The following CLEC20A variants were observed in gnomAD, a reference collection of about 807,000 sequenced individuals.
The protein encoded by CLEC20A is C-type lectin domain containing 20A.
upstream of CLEC20A, among the ~76,000 whole-genome samples, chr1:178,499,382 C>T (rs1649477595): frequency 6.6e-6 from 1 of 152,034 alleles, no homozygotes; most frequent in Non-Finnish European, 1.5e-5. Context: ...GAGGGTGTTG[C>T]CAGAGGAGAT....
At chr1:178,491,769 T>A (rs897259534) in intron 3 of CLEC20A, among the ~76,000 whole-genome samples, 1 of 152,198 alleles carries the variant, frequency 6.6e-6, no homozygotes, top group African/African-American at 2.4e-5. Flanking sequence ...AGGAAGAAAC[T>A]TTTTAAAAGA....
At chr1:178,483,318 A>G in intron 5 of CLEC20A, 36 bp from the exon 6 acceptor site, 1 of 398,578 alleles carries the variant, frequency 2.5e-6, no homozygotes, top group Non-Finnish European at 4.4e-6. Context: ...TATTGCAAAT[A>G]CAACCAGGAG....
chr1:178,484,435 T>G (rs1402073210), intron 5 of CLEC20A: 1 of 152,098 alleles, frequency 6.6e-6, no homozygotes, highest in Non-Finnish European at 1.5e-5. Context: ...ACACCTGTAA[T>G]CTCAACACTG....
chr1:178,486,635 G>T (rs1649151670), intron 5 of CLEC20A: 1 of 398,612 alleles, frequency 2.5e-6, no homozygotes, highest in African/African-American at 2.1e-5. Context: ...GACCCAGGGG[G>T]TGCTGCTATC....
At chr1:178,488,694 C>T in intron 4 of CLEC20A, 95 bp from the exon 5 acceptor site, 1 of 397,954 alleles carries the variant, frequency 2.5e-6, no homozygotes, top group Non-Finnish European at 4.4e-6. Flanking sequence ...TTTGGTTGCC[C>T]ATCATGGTAG....
intron 5 of CLEC20A, chr1:178,483,804 C>T (rs1649057074): frequency 6.6e-6 from 1 of 152,412 alleles, no homozygotes; most frequent in African/African-American, 2.4e-5. Flanking sequence ...CTCCATCTCA[C>T]CTGCTCTCAT....
chr1:178,498,050 C>T (rs908012114), upstream of CLEC20A, among the ~76,000 whole-genome samples: 1 of 151,962 alleles, frequency 6.6e-6, no homozygotes, highest in East Asian at 1.9e-4. Flanking sequence ...AACCACATGA[C>T]GTGAGGGAGA....
At chr1:178,482,763 C>T in intron 6 of CLEC20A, 1 of 213,212 alleles carries the variant, frequency 4.7e-6, no homozygotes, top group Non-Finnish European at 9.1e-6. Flanking sequence ...ACAGAAAATT[C>T]TAAAGAAGTT....
chr1:178,479,552 C>T (rs954716548), exon 8 of CLEC20A: 9 of 398,328 alleles, frequency 2.3e-5, no homozygotes, highest in African/African-American at 1.6e-4. Context: ...TTGTTCACTT[C>T]GAAGCTGACC....
chr1:178,479,424 G>T, exon 8 of CLEC20A: 1 of 392,298 alleles, frequency 2.5e-6, no homozygotes. Context: ...GTGCTTTTTG[G>T]CACATGTCGA....
At chr1:178,488,442 C>T in intron 5 of CLEC20A, 59 bp downstream of exon 5, 2 of 398,684 alleles carry the variant, frequency 5.0e-6, no homozygotes, top group East Asian at 7.1e-5. Context: ...TGCAAGCCAG[C>T]CTTGCCACTT....
At chr1:178,483,338 C>T (rs901181087) in intron 5 of CLEC20A, 56 bp from the exon 6 acceptor site, 7 of 398,162 alleles carry the variant, frequency 1.8e-5, no homozygotes, top group Admixed American at 8.8e-5. Context: ...GTAAGGTGGC[C>T]TGATATTGGT....
At chr1:178,482,595 C>A (rs936556115) in intron 6 of CLEC20A, 198 bp from the exon 7 acceptor site, 4 of 388,202 alleles carry the variant, frequency 1.0e-5, no homozygotes, top group Non-Finnish European at 1.8e-5. Context: ...AAAAAGAGTC[C>A]CATGCTTTGG....
chr1:178,490,545 C>T (rs1649247403), intron 3 of CLEC20A, 108 bp from the exon 4 acceptor site: 1 of 397,500 alleles, frequency 2.5e-6, no homozygotes, highest in African/African-American at 2.1e-5. Flanking sequence ...GGCCCTTGTC[C>T]CTGGTCCTTG....
rs1558029507 is a variant in CLEC20A, at chr1:178,492,490, C to T, written c.463+11G>A. ...AATTCCCAGAAAAGGGAATGGGGAG[C>T]AGGTATGTACCTGGCTTTGGAGAGG... On this transcript the variant is annotated intron_variant, in intron 3 of 7. Coordinates refer to ENST00000623247, the Ensembl canonical transcript of CLEC20A. 3 of 398,316 alleles carry T rather than the reference C, an allele frequency of 7.5e-6. No individual in the cohort carries two copies. The highest frequency in any genetic ancestry group is 2.6e-4 in the South Asian group (2 of 7,826). 24.7% of individuals were successfully genotyped at this position (398,316 alleles called of 1,614,324 possible). A position where few individuals can be genotyped will look rare whatever the true frequency, so the allele number is the denominator to read the frequency against.
intron 5 of CLEC20A, 152 bp from the exon 6 acceptor site, chr1:178,483,434 T>A: frequency 2.5e-6 from 1 of 393,502 alleles, no homozygotes; most frequent in Non-Finnish European, 4.5e-6. Flanking sequence ...GGAAGCTCAA[T>A]TCCTGCCAAT....
chr1:178,482,369 G>A, exon 7 of CLEC20A: 1 of 398,620 alleles, frequency 2.5e-6, no homozygotes, highest in Non-Finnish European at 4.4e-6. Flanking sequence ...AGATGGTAAA[G>A]TCTGCTTTCA....
intron 4 of CLEC20A, among the ~76,000 whole-genome samples, chr1:178,489,134 G>A (rs2493851): frequency 0.052 from 7,914 of 152,194 alleles, 240 homozygotes; most frequent in South Asian, 0.081. Context: ...AGGCCAAGGC[G>A]GGTGGATCAC....
chr1:178,486,584 T>A (rs1295446270), intron 5 of CLEC20A: 3 of 398,396 alleles, frequency 7.5e-6, no homozygotes, highest in Non-Finnish European at 1.3e-5. Context: ...CCCAGAGAGC[T>A]CCCTTGAGCC....
Sources: gnomAD v4.1 joint callset for allele counts (sites outside exome capture counted in the v4.1 genomes callset) on GRCh38, gnomAD v4.1.1 for gene constraint, MANE v1.5 for transcripts, NCBI Gene and HGNC (gene_info 2026-07-23, HGNC 2026-07-21) for gene names.